UBE2K: variants seen among roughly 807,000 people sequenced by gnomAD.
UBE2K encodes ubiquitin conjugating enzyme E2 K.
UBE2K carries 6 observed loss-of-function variants against 30.0 expected under a neutral mutation model. The ratio of observed to expected loss-of-function variants is 0.20; its 90% CI spans 0.11 to 0.39. The LOEUF is 0.39. Ranked by LOEUF, UBE2K falls within the 10% of genes least tolerant of loss-of-function variation. UBE2K has a pLI of 1.00. For missense variants in UBE2K, 61 were observed against 241.6 expected (o/e 0.25, Z 4.96); for synonymous variants, 86 against 83.7 (o/e 1.03, Z -0.15).
chr4:39,708,281 A>G (rs191292585), intron 1 of UBE2K, among the ~76,000 whole-genome samples: 2 of 152,240 alleles, frequency 1.3e-5, no homozygotes, highest in East Asian at 3.9e-4. Context: ...CAATTATTCA[A>G]GAAGCACATT....
chr4:39,756,998 G>GTGTTTTTTTT (rs1721550520), intron 4 of UBE2K, among the ~76,000 whole-genome samples: 2 of 132,384 alleles, frequency 1.5e-5, no homozygotes, highest in East Asian at 2.4e-4. Context: ...GTTTTTTTGG[G>GTGTTTTTTTT]TGTTTTTTTT....
chr4:39,749,339 A>G (rs191968648), intron 3 of UBE2K, among the ~76,000 whole-genome samples: 6 of 152,332 alleles, frequency 3.9e-5, no homozygotes, highest in Non-Finnish European at 2.9e-5. Context: ...AATCATTAGT[A>G]AAAATATAGT....
At chr4:39,769,017 G>A (rs1263379483) in intron 4 of UBE2K, among the ~76,000 whole-genome samples, 1 of 151,926 alleles carries the variant, frequency 6.6e-6, no homozygotes, top group African/African-American at 2.4e-5. Context: ...GTAGAGATGG[G>A]GTTTCGCCAT....
rs919076558 is a variant in UBE2K at position 39,737,650 on chromosome 4, T to C, written c.157+137T>C. On this transcript the variant is annotated intron_variant, in intron 2 of 6. Transcript: ENST00000261427. ...TTTAGATAAACAGCAATTTAAAAAA[T>C]ACTAAATTTAGATACTGAATATAGA... 11 of 560,810 alleles carry C rather than the reference T, an allele frequency of 2.0e-5. No homozygotes were observed. In the African/African-American group the frequency reaches 2.0e-4, roughly 10 times the overall value. 34.7% of individuals were successfully genotyped at this position (560,810 alleles called of 1,614,324 possible).
chr4:39,743,727 A>C (rs946471100), intron 2 of UBE2K, among the ~76,000 whole-genome samples: 2 of 152,224 alleles, frequency 1.3e-5, no homozygotes, highest in Admixed American at 1.3e-4. Context: ...AGTCTTATAA[A>C]TAAATATTTC....
chr4:39,774,062 C>G (rs1003739156), intron 4 of UBE2K, among the ~76,000 whole-genome samples: 17 of 152,068 alleles, frequency 1.1e-4, no homozygotes, highest in Admixed American at 1.0e-3. Context: ...TTTGGGAGGC[C>G]AAGGTGGATG....
At chr4:39,729,790 C>T (rs1009498274) in intron 1 of UBE2K, among the ~76,000 whole-genome samples, 5 of 152,232 alleles carry the variant, frequency 3.3e-5, no homozygotes, top group Non-Finnish European at 7.3e-5. Flanking sequence ...ACATTGGCGG[C>T]ATTTCAATTC....
At chr4:39,752,323 TTC>T (rs1303416073) in intron 3 of UBE2K, among the ~76,000 whole-genome samples, 2 of 109,128 alleles carry the variant, frequency 1.8e-5, no homozygotes, top group African/African-American at 6.6e-5. Context: ...TTTTTTTTTT[TTC>T]TTTTTTTTTC....
Position 39,778,404 on chromosome 4 carries a change from G to C in UBE2K, c.573G>C (p.Glu191Asp). Residue 191 changes from glutamate to aspartate, a missense_variant, in exon 7 of 7, where the codon GAG (glutamate) becomes GAC (aspartate). Coordinates refer to ENST00000261427, the MANE Select transcript of UBE2K (RefSeq NM_005339.5). ...VALSSKSWDV[E>D]TATELLLSN ...TGTCTTCAAAATCATGGGATGTAGA[G>C]ACTGCAACAGAATTGCTTCTGAGTA... The C allele has an allele frequency of 6.2e-7, 1 of 1,613,334 alleles. No homozygotes were observed. The highest frequency in any genetic ancestry group is 1.3e-5 in the African/African-American group (1 of 74,998).
chr4:39,773,183 A>C (rs1713026935), intron 4 of UBE2K, among the ~76,000 whole-genome samples: 1 of 152,092 alleles, frequency 6.6e-6, no homozygotes, highest in Non-Finnish European at 1.5e-5. Context: ...TTTTCTTGAA[A>C]ATATGGCCGG....
At chr4:39,716,530 T>G (rs1464617539) in intron 1 of UBE2K, among the ~76,000 whole-genome samples, 3 of 152,140 alleles carry the variant, frequency 2.0e-5, no homozygotes, top group Non-Finnish European at 4.4e-5. Context: ...ATTACAGGCA[T>G]GAGCCGCTGC....
At chr4:39,772,200 G>A (rs758819344) in intron 4 of UBE2K, among the ~76,000 whole-genome samples, 25 of 152,080 alleles carry the variant, frequency 1.6e-4, no homozygotes, top group Non-Finnish European at 3.1e-4. Flanking sequence ...TGGGAAAATT[G>A]AGAAAACAGT....
intron 2 of UBE2K, among the ~76,000 whole-genome samples, chr4:39,742,220 T>A (rs1720741988): frequency 2.6e-5 from 4 of 152,100 alleles, no homozygotes; most frequent in African/African-American, 7.2e-5. Flanking sequence ...AAGAAAAGCC[T>A]ATGTAGTGCT....
chr4:39,722,799 CTTT>C (rs58965981), intron 1 of UBE2K, among the ~76,000 whole-genome samples: 1 of 100,100 alleles, frequency 1.0e-5, no homozygotes, highest in Non-Finnish European at 2.1e-5. Context: ...CTTTTTCTCT[CTTT>C]TTTTTTTTTT....
chr4:39,703,370 C>T lies in UBE2K; in HGVS notation c.63+4980C>T, dbSNP rs1033598501. Among the ~76,000 whole-genome samples the T allele has an allele frequency of 2.6e-5, 4 of 152,068 alleles. No individual in the cohort carries two copies. In the East Asian group the frequency reaches 7.7e-4, roughly 29 times the overall value. Reference sequence around the variant, plus strand: ...CTACTAACATTTAAAAAAAATCAGCCAGGCCTGGTGGTATGTGCCTATAGT... The same window carrying T: ...CTACTAACATTTAAAAAAAATCAGCTAGGCCTGGTGGTATGTGCCTATAGT... On this transcript the variant is annotated intron_variant, in intron 1 of 6. Transcript: ENST00000261427.
chr4:39,755,752 G>A lies in UBE2K; in HGVS notation c.299+13G>A, dbSNP rs1560369728. On this transcript the variant is annotated intron_variant, in intron 4 of 6. Transcript: ENST00000261427. ...TGAAAGATCAATGGTAAGAGATTTT[G>A]AATTCACCTTCTCTCCTTCTCATAT... The A allele has an allele frequency of 6.4e-7, 1 of 1,570,040 alleles. No homozygotes were observed. The highest frequency in any genetic ancestry group is 8.7e-7 in the Non-Finnish European group (1 of 1,153,480).
chr4:39,760,502 T>C (rs1711853842), intron 4 of UBE2K, among the ~76,000 whole-genome samples: 1 of 152,120 alleles, frequency 6.6e-6, no homozygotes, highest in African/African-American at 2.4e-5. Flanking sequence ...ACAACATGGA[T>C]GAGACTCAGT....
At chr4:39,768,907 G>A (rs1423260943) in intron 4 of UBE2K, among the ~76,000 whole-genome samples, 1 of 152,104 alleles carries the variant, frequency 6.6e-6, no homozygotes, top group Admixed American at 6.6e-5. Context: ...ACCCAGGCTA[G>A]AGTGCAGTGG....
Position 39,743,958 on chromosome 4 carries a change from G to C in UBE2K, c.158-1794G>C, listed in dbSNP as rs570980436. Among the ~76,000 whole-genome samples the C allele has an allele frequency of 3.9e-5, 6 of 152,264 alleles. No homozygotes were observed. The East Asian group carries it at 1.2e-3, about 29-fold the overall frequency. On this transcript the variant is annotated intron_variant, in intron 2 of 6. Transcript: ENST00000261427. Reference sequence around the variant, plus strand: ...GCTCATTGCAATATCCACCTCCTGGGTTCAAGCGATTCTTGTGCCTCAACC... The same window carrying C: ...GCTCATTGCAATATCCACCTCCTGGCTTCAAGCGATTCTTGTGCCTCAACC...
Sources: allele counts gnomAD v4.1 joint callset (sites outside exome capture counted in the v4.1 genomes callset), GRCh38; gene constraint gnomAD v4.1.1; transcripts MANE v1.5; gene names NCBI Gene and HGNC (gene_info 2026-07-23, HGNC 2026-07-21).